Variants in SLC16A10 observed in about 807,000 individuals in gnomAD.
SLC16A10 encodes solute carrier family 16 member 10, also known as monocarboxylate transporter 10.
A neutral mutation model predicts 40.0 loss-of-function variants in SLC16A10; 27 were observed. That is an observed-to-expected ratio of 0.67 (90% CI 0.50 to 0.93). SLC16A10 has a LOEUF of 0.93. SLC16A10 is among the 40% of genes least tolerant of loss of function. The pLI, the probability that SLC16A10 is intolerant of heterozygous loss-of-function variation, is 0.00. For synonymous variants in SLC16A10, 213 were observed against 249.8 expected, an observed-to-expected ratio of 0.85 and a Z score of 1.39; for missense variants, 529 against 658.2, an observed-to-expected ratio of 0.80 and a Z score of 2.15.
In SLC16A10 at chr6:111,230,142, CCA is replaced by C. The variant is rs1771086252; in HGVS notation, c.*7911_*7912del. 6.6e-6 allele frequency: 1 copy of C among 152,040 alleles called. No homozygotes were observed. The highest frequency in any genetic ancestry group is 2.4e-5 in the African/African-American group (1 of 41,336). 9.4% of individuals were successfully genotyped at this position (152,040 alleles called of 1,614,324 possible). A position where few individuals can be genotyped will look rare whatever the true frequency, so the allele number is the denominator to read the frequency against. ...TAGCTGGGACTACAGGTGCCCACTA[CCA>C]CACCGGCTAATTTTTGTATTTTTGG... On this transcript the variant is annotated 3_prime_UTR_variant, in exon 6 of 6. Coordinates refer to ENST00000368851, the MANE Select transcript of SLC16A10 (RefSeq NM_018593.5).
At chr6:111,210,959 G>C (rs1562434704) in intron 4 of SLC16A10, among the ~76,000 whole-genome samples, 2 of 151,676 alleles carry the variant, frequency 1.3e-5, no homozygotes, top group South Asian at 2.1e-4. Context: ...GGAGGCAGAG[G>C]TTGCAGTGAG....
At chr6:111,178,744 G>T in intron 3 of SLC16A10, 1 of 202,620 alleles carries the variant, frequency 4.9e-6, no homozygotes, top group Non-Finnish European at 9.9e-6. Flanking sequence ...TTTTTTTCTA[G>T]CTTACAGTCT....
At chr6:111,154,607 T>C (rs1003091518) in intron 1 of SLC16A10, among the ~76,000 whole-genome samples, 2 of 152,242 alleles carry the variant, frequency 1.3e-5, no homozygotes, top group African/African-American at 4.8e-5. Flanking sequence ...TGAAGTAATG[T>C]TGGCATTGGC....
intron 1 of SLC16A10, among the ~76,000 whole-genome samples, chr6:111,136,261 A>T (rs1481686276): frequency 1.3e-5 from 2 of 152,222 alleles, no homozygotes; most frequent in Non-Finnish European, 2.9e-5. Flanking sequence ...CAGAAAAAAT[A>T]GGAATAGCTC....
chr6:111,175,283 G>T (rs1244826487), intron 2 of SLC16A10, among the ~76,000 whole-genome samples: 1 of 152,126 alleles, frequency 6.6e-6, no homozygotes, highest in East Asian at 1.9e-4. Flanking sequence ...TGTTACTGAA[G>T]GGAAAACCTG....
intron 1 of SLC16A10, among the ~76,000 whole-genome samples, chr6:111,101,617 T>C (rs192570843): frequency 6.6e-6 from 1 of 152,126 alleles, no homozygotes; most frequent in East Asian, 1.9e-4. Context: ...TGCAAATAAA[T>C]AATTATAAAT....
Position 111,139,362 on chromosome 6 carries a change from C to T in SLC16A10, c.344-33333C>T, listed in dbSNP as rs564215565. 7.9e-5 allele frequency among the ~76,000 whole-genome samples: 12 copies of T among 152,130 alleles called. No individual in the cohort carries two copies. The South Asian group carries it at 1.2e-3, about 16-fold the overall frequency. The stretch of plus-strand genomic sequence containing the variant: ...CTGTCACCAGGCTGGAGTTCAGTGG[C>T]GTGATCTCGGCTCACTGCACCCTCT... On this transcript the variant is annotated intron_variant, in intron 1 of 5. Coordinates refer to ENST00000368851, the MANE Select transcript of SLC16A10 (RefSeq NM_018593.5).
At chr6:111,183,505 T>C (rs189935451) in intron 3 of SLC16A10, among the ~76,000 whole-genome samples, 2 of 152,350 alleles carry the variant, frequency 1.3e-5, no homozygotes, top group East Asian at 1.9e-4. Flanking sequence ...ACTAAATATA[T>C]TCTGGGTGAG....
chr6:111,146,601 T>TGG (rs371082490), intron 1 of SLC16A10, among the ~76,000 whole-genome samples: 1 of 151,024 alleles, frequency 6.6e-6, no homozygotes, highest in African/African-American at 2.4e-5. Flanking sequence ...CTGGGCGTGG[T>TGG]GGGGGGGCGC....
chr6:111,158,905 G>A (rs1772320477), intron 1 of SLC16A10, among the ~76,000 whole-genome samples: 1 of 151,374 alleles, frequency 6.6e-6, no homozygotes, highest in Admixed American at 6.6e-5. Context: ...GAGCTATAAG[G>A]CAAAACCCTG....
Position 111,225,535 on chromosome 6 carries a change from GCGAGA to G in SLC16A10, c.*3302_*3306del, listed in dbSNP as rs2114600169. ...ACTGCACTCCAGCCTGGGCGACAGA[GCGAGA>G]CTCCATCTCAAAAAAAAAAAAAAAA... On this transcript the variant is annotated 3_prime_UTR_variant, in exon 6 of 6. Coordinates refer to ENST00000368851, the MANE Select transcript of SLC16A10 (RefSeq NM_018593.5). 1 of 143,496 alleles carries G rather than the reference GCGAGA, an allele frequency of 7.0e-6. No homozygotes were observed. The highest frequency in any genetic ancestry group is 7.0e-5 in the Admixed American group (1 of 14,262). 8.9% of individuals were successfully genotyped at this position (143,496 alleles called of 1,614,324 possible).
At chr6:111,132,380 A>G (rs970370422) in intron 1 of SLC16A10, among the ~76,000 whole-genome samples, 1 of 152,268 alleles carries the variant, frequency 6.6e-6, no homozygotes, top group African/African-American at 2.4e-5. Flanking sequence ...TAACACTCCA[A>G]TACCACTTTA....
At chr6:111,175,858 C>G (rs373931559) in intron 2 of SLC16A10, among the ~76,000 whole-genome samples, 1 of 152,042 alleles carries the variant, frequency 6.6e-6, no homozygotes, top group Admixed American at 6.6e-5. Flanking sequence ...GCCATCACAC[C>G]CAGCTAATTT....
intron 1 of SLC16A10, among the ~76,000 whole-genome samples, chr6:111,098,982 CCTT>C (rs150184950): frequency 0.012 from 1,860 of 152,242 alleles, 25 homozygotes; most frequent in African/African-American, 0.043. Flanking sequence ...TGTTTTGTCT[CCTT>C]CTTCTCAGAG....
intron 1 of SLC16A10, among the ~76,000 whole-genome samples, chr6:111,102,676 C>G (rs1393617764): frequency 6.6e-6 from 1 of 151,806 alleles, no homozygotes; most frequent in Admixed American, 6.6e-5. Context: ...TGTCTTAGGG[C>G]GGGGGATAGG....
intron 3 of SLC16A10, chr6:111,193,230 A>G (rs2114568402): frequency 6.3e-6 from 6 of 948,774 alleles, no homozygotes; most frequent in South Asian, 4.9e-5. Context: ...ATTTTTTTCA[A>G]TGATGTCTAT....
At chr6:111,142,288 G>A (rs1771996899) in intron 1 of SLC16A10, among the ~76,000 whole-genome samples, 1 of 152,164 alleles carries the variant, frequency 6.6e-6, no homozygotes, top group Non-Finnish European at 1.5e-5. Context: ...TTCAACAAAT[G>A]CTGTTGGAAT....
chr6:111,216,616 C>G (rs907657626), intron 4 of SLC16A10, among the ~76,000 whole-genome samples: 2 of 149,842 alleles, frequency 1.3e-5, no homozygotes, highest in Non-Finnish European at 3.0e-5. Context: ...GGGGTTTCAC[C>G]GTGTTAGCCA....
chr6:111,157,216 G>C (rs1772286369), intron 1 of SLC16A10, among the ~76,000 whole-genome samples: 1 of 152,164 alleles, frequency 6.6e-6, no homozygotes, highest in Admixed American at 6.5e-5. Flanking sequence ...ACCGCGCCCA[G>C]ACAAAAGTTT....
Sources: gnomAD v4.1 joint callset for allele counts (sites outside exome capture counted in the v4.1 genomes callset) on GRCh38, gnomAD v4.1.1 for gene constraint, MANE v1.5 for transcripts, NCBI Gene and HGNC (gene_info 2026-07-23, HGNC 2026-07-21) for gene names.